The following RANBP17 variants were observed in gnomAD, a reference collection of about 807,000 sequenced individuals.
RANBP17 encodes the protein ran-binding protein 17.
In RANBP17, 158 loss-of-function variants were observed where a neutral mutation model predicts 141.2. That is an observed-to-expected ratio of 1.12 (90% confidence interval 0.98 to 1.28). RANBP17 has a LOEUF of 1.28. Among genes scored for constraint, RANBP17 ranks in the 50% most tolerant of loss-of-function variants. RANBP17 has a pLI of 0.00. For synonymous variants in RANBP17, 430 were observed against 450.0 expected (o/e 0.96, Z 0.56); for missense variants, 1,438 against 1,290.7 (o/e 1.11, Z -1.75).
rs373510157 is a variant in RANBP17 at position 171,234,583 on chromosome 5, A to G, written c.2423-6345A>G. ...TACTGGCTTTGAACAAAGTAATAGC[A>G]GTGGGAGTGGTCAGATTCTGGATAT... is the stretch of plus-strand genomic sequence containing the variant. On this transcript the variant is annotated intron_variant, in intron 22 of 27. Coordinates refer to ENST00000523189, the MANE Select transcript of RANBP17 (RefSeq NM_022897.5). 2.1e-3 allele frequency among the ~76,000 whole-genome samples: 317 copies of G among 152,364 alleles called. No homozygotes were observed. In the Middle Eastern group the frequency reaches 0.031, roughly 15 times the overall value.
intron 14 of RANBP17, among the ~76,000 whole-genome samples, chr5:171,031,494 A>G (rs1781546895): frequency 6.6e-6 from 1 of 152,044 alleles, no homozygotes; most frequent in African/African-American, 2.4e-5. Context: ...GCCTAGAGCC[A>G]GGCATTATGG....
At chr5:171,058,360 G>C (rs990551634) in intron 14 of RANBP17, among the ~76,000 whole-genome samples, 1 of 128,782 alleles carries the variant, frequency 7.8e-6, no homozygotes, top group African/African-American at 3.0e-5. Flanking sequence ...CTCTTCCTGT[G>C]TCCATGTGTT....
At chr5:171,181,644 G>C (rs899022586) in intron 16 of RANBP17, among the ~76,000 whole-genome samples, 2 of 152,192 alleles carry the variant, frequency 1.3e-5, no homozygotes, top group Admixed American at 1.3e-4. Context: ...TATGCAACTG[G>C]AATGGTTGCT....
At chr5:171,181,101 A>T (rs1192474217) in intron 16 of RANBP17, among the ~76,000 whole-genome samples, 1 of 152,194 alleles carries the variant, frequency 6.6e-6, no homozygotes, top group Non-Finnish European at 1.5e-5. Flanking sequence ...CCAGTGACTG[A>T]CACTAGGAAT....
At chr5:171,186,526 C>CTATTTTTTTT (rs1761249487) in intron 18 of RANBP17, among the ~76,000 whole-genome samples, 1 of 41,650 alleles carries the variant, frequency 2.4e-5, no homozygotes, top group Non-Finnish European at 4.2e-5. Context: ...GTATGATTTT[C>CTATTTTTTTT]TTTTTTTTTT....
chr5:171,266,912 C>CA (rs1232855976), intron 25 of RANBP17, among the ~76,000 whole-genome samples: 33 of 141,970 alleles, frequency 2.3e-4, no homozygotes, highest in Non-Finnish European at 1.4e-4. Context: ...GACTCCATCT[C>CA]AAAAAAAAAG....
chr5:171,291,642 T>C (rs1324829982), intron 25 of RANBP17, among the ~76,000 whole-genome samples: 1 of 152,200 alleles, frequency 6.6e-6, no homozygotes, highest in Non-Finnish European at 1.5e-5. Context: ...TGCTTAAGCA[T>C]TTCATCCAGT....
At chr5:170,992,014 T>C (rs1778541741) in intron 14 of RANBP17, among the ~76,000 whole-genome samples, 1 of 152,020 alleles carries the variant, frequency 6.6e-6, no homozygotes, top group Admixed American at 6.6e-5. Context: ...TTATACATGT[T>C]GTTTCCTAAT....
At chr5:171,139,998 T>C (rs921676283) in intron 14 of RANBP17, among the ~76,000 whole-genome samples, 2 of 152,278 alleles carry the variant, frequency 1.3e-5, no homozygotes, top group African/African-American at 2.4e-5. Flanking sequence ...AACTCTCTTA[T>C]AACTCCAGGA....
At chr5:170,940,615 T>G (rs923164793) in intron 12 of RANBP17, among the ~76,000 whole-genome samples, 3 of 152,174 alleles carry the variant, frequency 2.0e-5, no homozygotes, top group East Asian at 1.9e-4. Context: ...AAATTGATAG[T>G]CGTGCAGGGA....
intron 14 of RANBP17, among the ~76,000 whole-genome samples, chr5:171,102,751 C>T (rs930156476): frequency 1.5e-4 from 23 of 151,574 alleles, no homozygotes; most frequent in African/African-American, 4.8e-4. Context: ...CTTTGGTCTT[C>T]GATGTTGGTG....
chr5:171,053,297 C>T (rs1783088437), intron 14 of RANBP17, among the ~76,000 whole-genome samples: 1 of 151,938 alleles, frequency 6.6e-6, no homozygotes, highest in Admixed American at 6.6e-5. Flanking sequence ...TACGAATGAT[C>T]CCATCACTCA....
intron 13 of RANBP17, among the ~76,000 whole-genome samples, chr5:170,956,136 C>CTT (rs1258192088): frequency 2.0e-5 from 3 of 151,604 alleles, no homozygotes; most frequent in African/African-American, 7.3e-5. Context: ...AATGCCAATC[C>CTT]TACCCTCTAC....
intron 12 of RANBP17, among the ~76,000 whole-genome samples, chr5:170,932,622 C>T (rs1392644024): frequency 1.3e-5 from 2 of 151,954 alleles, no homozygotes; most frequent in African/African-American, 4.8e-5. Context: ...GCATGAAGGG[C>T]TGTTGAATTT....
At position 171,019,762 on chromosome 5, in the gene RANBP17, A is replaced by C. The variant is rs80059812; in HGVS notation, c.1710+51385A>C. ...GGGGTTTCCATGTCTTGATCTCCTT[A>C]AGTTCTTCAATTCAGTTCTTCTCTG... On this transcript the variant is annotated intron_variant, in intron 14 of 27. Transcript: ENST00000523189. Among the ~76,000 whole-genome samples, 1,191 of 150,660 alleles carry C rather than the reference A, an allele frequency of 7.9e-3. 16 individuals carry two copies. Among genetic ancestry groups the C allele is most frequent in the African/African-American group, 0.028 (1,139 of 41,208 alleles).
At chr5:171,169,887 G>T (rs1274995620) in intron 14 of RANBP17, among the ~76,000 whole-genome samples, 1 of 151,846 alleles carries the variant, frequency 6.6e-6, no homozygotes, top group African/African-American at 2.4e-5. Flanking sequence ...GAGTAAAATG[G>T]ATATATGAGT....
chr5:170,913,086 G>A (rs1406389581), intron 7 of RANBP17, among the ~76,000 whole-genome samples: 1 of 151,940 alleles, frequency 6.6e-6, no homozygotes, highest in Non-Finnish European at 1.5e-5. Flanking sequence ...AGGGAAAATT[G>A]TTTCCAAACT....
chr5:171,240,949 G>C lies in RANBP17; in HGVS notation c.2444G>C (p.Gly815Ala). ...CTYGNQILSL[G>A]SLSKDQIYPM... Reference sequence around the variant, plus strand: ...ACAGGTAATCAGATCCTGTCCCTTGGGAGCCTCTCAAAAGATCAGATTTAT... The same window carrying C: ...ACAGGTAATCAGATCCTGTCCCTTGCGAGCCTCTCAAAAGATCAGATTTAT... The change falls in exon 23 of 28, where the codon GGG becomes GCG. Residue 815 changes from glycine to alanine, a missense_variant. Coordinates refer to ENST00000523189, the MANE Select transcript of RANBP17 (RefSeq NM_022897.5). 2 of 1,613,026 alleles carry C rather than the reference G, an allele frequency of 1.2e-6. No individual in the cohort carries two copies. The highest frequency in any genetic ancestry group is 1.7e-6 in the Non-Finnish European group (2 of 1,179,280).
intron 14 of RANBP17, among the ~76,000 whole-genome samples, chr5:170,969,005 C>G (rs747679394): frequency 6.6e-6 from 1 of 151,746 alleles, no homozygotes; most frequent in Non-Finnish European, 1.5e-5. Flanking sequence ...ATAAGAAGTT[C>G]TAAGGATATT....
Sources: gnomAD v4.1 joint callset for allele counts (sites outside exome capture counted in the v4.1 genomes callset) on GRCh38, gnomAD v4.1.1 for gene constraint, MANE v1.5 for transcripts, NCBI Gene and HGNC (gene_info 2026-07-23, HGNC 2026-07-21) for gene names.